Variants in DHCR24 observed in about 807,000 individuals in gnomAD.
The protein encoded by DHCR24 is delta(24)-sterol reductase.
In DHCR24, 28 loss-of-function variants were observed where a neutral mutation model predicts 61.2. The ratio of observed to expected loss-of-function variants is 0.46; its 90% CI spans 0.34 to 0.63. DHCR24 has a LOEUF of 0.63. DHCR24 is among the 20% of genes least tolerant of loss of function. The pLI, the probability that DHCR24 is intolerant of heterozygous loss-of-function variation, is 0.01. For missense variants in DHCR24, 538 were observed against 679.1 expected (o/e 0.79, Z 2.31); for synonymous variants, 261 against 275.9 (o/e 0.95, Z 0.54).
Position 54,871,589 on chromosome 1 carries a change from C to A in DHCR24, c.637G>T (p.Ala213Ser). The change falls in exon 5 of 9, where the codon GCC becomes TCC. Residue 213 changes from alanine (A) to serine (S), a missense_variant. Physicochemically the swap from Ala to Ser is moderately conservative, Grantham distance 99. Coordinates refer to ENST00000371269, the MANE Select transcript of DHCR24 (RefSeq NM_014762.4). ...AGCGTCCCACAGGACCAGGGTACGGCATAGAACAGGTCTGAGTTTTCGGAC... is the reference window on the plus strand; with the variant it reads ...AGCGTCCCACAGGACCAGGGTACGGAATAGAACAGGTCTGAGTTTTCGGAC... ...TPSENSDLFY[A>S]VPWSCGTLGF... is the part of the protein sequence containing the mutation. 1 of 1,614,176 alleles carries A rather than the reference C, an allele frequency of 6.2e-7. No individual in the cohort carries two copies. The highest frequency in any genetic ancestry group is 1.3e-5 in the African/African-American group (1 of 75,038).
rs77720262 is a variant in DHCR24 at position 54,885,797 on chromosome 1, G to C, written c.231+1092C>G. On this transcript the variant is annotated intron_variant, in intron 1 of 8. Transcript: ENST00000371269. Reference sequence around the variant, plus strand: ...TTCTAGGAGCTCACAGTCTGACAGGGGAGACAAGCAGGTAAATGGAGAATT... The same window carrying C: ...TTCTAGGAGCTCACAGTCTGACAGGCGAGACAAGCAGGTAAATGGAGAATT... 0.01 allele frequency among the ~76,000 whole-genome samples: 1,575 copies of C among 152,252 alleles called. 57 individuals carry two copies. The East Asian group carries it at 0.12, about 12-fold the overall frequency.
Position 54,883,561 on chromosome 1 carries a change from T to A in DHCR24, c.387+57A>T. ...CTAAAATCATCTCCCTATGAGTCACTTGCACCAGGGGCAGTGCCCCACCTG... is the reference window on the plus strand; with the variant it reads ...CTAAAATCATCTCCCTATGAGTCACATGCACCAGGGGCAGTGCCCCACCTG... On this transcript the variant is annotated intron_variant, in intron 2 of 8. Coordinates refer to ENST00000371269, the MANE Select transcript of DHCR24 (RefSeq NM_014762.4). This position sits in a 1 kb window ranked among gnomAD's most constrained non-coding sequence, Gnocchi z 4.3. 6.2e-7 allele frequency: 1 copy of A among 1,609,284 alleles called. No individual in the cohort carries two copies. Among genetic ancestry groups the A allele is most frequent in the Non-Finnish European group, 8.5e-7 (1 of 1,175,980 alleles).
chr1:54,857,513 C>T (rs1030588364), intron 6 of DHCR24, among the ~76,000 whole-genome samples: 10 of 152,240 alleles, frequency 6.6e-5, no homozygotes, highest in African/African-American at 2.4e-4. Flanking sequence ...TTCAGTCCTT[C>T]CTTACCGTAA....
At position 54,852,229 on chromosome 1, in the gene DHCR24, C is replaced by T. The variant is rs775834284; in HGVS notation, c.*4G>A. The T allele has an allele frequency of 1.2e-6, 2 of 1,614,212 alleles. No individual in the cohort carries two copies. The highest frequency in any genetic ancestry group is 3.3e-5 in the Admixed American group (2 of 60,028). On this transcript the variant is annotated 3_prime_UTR_variant, in exon 9 of 9. Transcript: ENST00000371269. ...CGTGTCTGTCTCTCCAGGCGGGCTC[C>T]AGCTCAGTGCCTGGCGGCCTTGCAG...
At position 54,875,990 on chromosome 1, in the gene DHCR24, T is replaced by C. The variant is rs141061353; in HGVS notation, c.445A>G (p.Ile149Val). 3.7e-6 allele frequency: 6 copies of C among 1,613,786 alleles called. No homozygotes were observed. The highest frequency in any genetic ancestry group is 5.1e-6 in the Non-Finnish European group (6 of 1,179,886). ...GGCAACACGGGGAGAGTCCAGCCAA[T>C]GGAGGTCAGCAGGGCAGTCACCTGG... ...MGQVTALLTS[I>V]GWTLPVLPEL... The change falls in exon 3 of 9, where the codon ATT becomes GTT. Residue 149 changes from isoleucine (I) to valine (V), a missense_variant. Ile to Val is a conservative substitution (Grantham distance 29). Coordinates refer to ENST00000371269, the MANE Select transcript of DHCR24 (RefSeq NM_014762.4).
chr1:54,871,413 G>C lies in DHCR24; in HGVS notation c.813C>G (p.Leu271=). Residue 271 remains leucine (L), a synonymous_variant, in exon 5 of 9, where the codon CTC becomes CTG. Transcript: ENST00000371269. The part of the protein sequence containing the change: ...RQENHFVEGL[L]YSLDEAVIMT... ...TAATGACAGCCTCATCCAGGGAGTA[G>C]AGCAGCCCTTCCACGAAGTGGTTCT... 6.2e-7 allele frequency: 1 copy of C among 1,614,222 alleles called. No individual in the cohort carries two copies. Among genetic ancestry groups the C allele is most frequent in the Non-Finnish European group, 8.5e-7 (1 of 1,180,038 alleles).
chr1:54,878,514 CAAAAAAAAAAAAAAAAAA>C (rs56198608), intron 2 of DHCR24, among the ~76,000 whole-genome samples: 5 of 54,300 alleles, frequency 9.2e-5, no homozygotes, highest in Non-Finnish European at 1.6e-4. Flanking sequence ...AACTCTGTCT[CAAAAAAAAAAAAAAAAAA>C]AAAAAAAAAA....
At position 54,851,172 on chromosome 1, in the gene DHCR24, A is replaced by C. The variant is rs887981177; in HGVS notation, c.*1061T>G. ...TACAGCTGGGGTGGGGAGTGGTGGA[A>C]GAAAGAAAAAGAGGGATGAGTGGTT... On this transcript the variant is annotated 3_prime_UTR_variant, in exon 9 of 9. Coordinates refer to ENST00000371269, the MANE Select transcript of DHCR24 (RefSeq NM_014762.4). The C allele has an allele frequency of 2.0e-5, 3 of 152,418 alleles. No individual in the cohort carries two copies. 9.4% of individuals were successfully genotyped at this position (152,418 alleles called of 1,614,324 possible). A position where few individuals can be genotyped will look rare whatever the true frequency, so the allele number is the denominator to read the frequency against.
intron 2 of DHCR24, among the ~76,000 whole-genome samples, chr1:54,880,383 T>C (rs1369756332): frequency 6.6e-6 from 1 of 152,206 alleles, no homozygotes; most frequent in Admixed American, 6.5e-5. Context: ...GAGCTTCACT[T>C]TAAGGTTTCT....
At chr1:54,857,733 T>C (rs750643236) in intron 6 of DHCR24, among the ~76,000 whole-genome samples, 23 of 152,158 alleles carry the variant, frequency 1.5e-4, no homozygotes, top group Non-Finnish European at 2.8e-4. Context: ...AGACAGACCA[T>C]GGAGAAAGAA....
chr1:54,866,380 G>A (rs537349650), intron 5 of DHCR24, among the ~76,000 whole-genome samples: 2 of 147,512 alleles, frequency 1.4e-5, no homozygotes, highest in Non-Finnish European at 3.0e-5. Context: ...ACAGAGTCTC[G>A]CTCTGTCGCC....
chr1:54,852,224 G>C lies in DHCR24; in HGVS notation c.*9C>G. The C allele has an allele frequency of 6.2e-7, 1 of 1,614,164 alleles. No homozygotes were observed. The highest frequency in any genetic ancestry group is 8.5e-7 in the Non-Finnish European group (1 of 1,180,046). On this transcript the variant is annotated 3_prime_UTR_variant, in exon 9 of 9. Coordinates refer to ENST00000371269, the MANE Select transcript of DHCR24 (RefSeq NM_014762.4). ...TCACACGTGTCTGTCTCTCCAGGCGGGCTCCAGCTCAGTGCCTGGCGGCCT... is the reference window on the plus strand; with the variant it reads ...TCACACGTGTCTGTCTCTCCAGGCGCGCTCCAGCTCAGTGCCTGGCGGCCT...
intron 6 of DHCR24, among the ~76,000 whole-genome samples, chr1:54,855,673 C>T (rs569366937): frequency 4.5e-4 from 68 of 152,370 alleles, no homozygotes; most frequent in African/African-American, 1.5e-3. Context: ...CCCTTTCCCT[C>T]ACTCCTCTGG....
intron 6 of DHCR24, among the ~76,000 whole-genome samples, chr1:54,861,580 T>C (rs1381501463): frequency 1.3e-5 from 2 of 152,114 alleles, no homozygotes; most frequent in African/African-American, 2.4e-5. Context: ...CTCCCCTCCA[T>C]AGCTGGCTTA....
At chr1:54,878,002 T>G (rs1233809855) in intron 2 of DHCR24, among the ~76,000 whole-genome samples, 1 of 132,060 alleles carries the variant, frequency 7.6e-6, no homozygotes, top group Non-Finnish European at 1.6e-5. Context: ...CGAGACTCTG[T>G]CTCAAAAAAA....
intron 5 of DHCR24, among the ~76,000 whole-genome samples, chr1:54,869,659 T>C (rs975022577): frequency 1.3e-5 from 2 of 152,042 alleles, no homozygotes; most frequent in Non-Finnish European, 2.9e-5. Flanking sequence ...CCCAGTACTT[T>C]GGGAGGCTGA....
At chr1:54,870,439 C>A (rs1420437143) in intron 5 of DHCR24, among the ~76,000 whole-genome samples, 5 of 152,118 alleles carry the variant, frequency 3.3e-5, no homozygotes, top group Admixed American at 2.0e-4. Flanking sequence ...TCTCAGTATC[C>A]ATGGGGGATT....
In DHCR24 at chr1:54,865,323, T is replaced by G; in HGVS notation, c.1000A>C (p.Ser334Arg). ...LRHYYHRHTR[S>R]IFWELQDIIP... is the part of the protein sequence containing the mutation. ...CTCACCTGGAGCTCCCAGAAGATGC[T>G]GCGCGTGTGGCGGTGGTAGTAGTGT... The change falls in exon 6 of 9, where the codon AGC becomes CGC. Residue 334 changes from serine (S) to arginine (R), a missense_variant. By Grantham distance (110) the Ser-to-Arg change is moderately radical. Coordinates refer to ENST00000371269, the MANE Select transcript of DHCR24 (RefSeq NM_014762.4). 1 of 1,613,958 alleles carries G rather than the reference T, an allele frequency of 6.2e-7. No individual in the cohort carries two copies.
In DHCR24 at chr1:54,852,280, C is replaced by T. The variant is rs915474087; in HGVS notation, c.1504G>A (p.Ala502Thr). Residue 502 changes from alanine (A) to threonine (T), a missense_variant, in exon 9 of 9, where the codon GCC becomes ACC. Coordinates refer to ENST00000371269, the MANE Select transcript of DHCR24 (RefSeq NM_014762.4). ...ATCTTGTCGTACACCTCGGGGAAGG[C>T]GTCCTGGCAACCCAGCTTCTCTCGC... is the stretch of plus-strand genomic sequence containing the variant. ...KLREKLGCQD[A>T]FPEVYDKICK... 1.2e-6 allele frequency: 2 copies of T among 1,614,084 alleles called. No homozygotes were observed. Among genetic ancestry groups the T allele is most frequent in the African/African-American group, 1.3e-5 (1 of 74,926 alleles).
Sources: allele counts gnomAD v4.1 joint callset (sites outside exome capture counted in the v4.1 genomes callset), GRCh38; gene constraint gnomAD v4.1.1; non-coding constraint Gnocchi (gnomAD v3.1); transcripts MANE v1.5; gene names NCBI Gene and HGNC (gene_info 2026-07-23, HGNC 2026-07-21).